The following CSGALNACT1 variants were observed in gnomAD, a reference collection of about 807,000 sequenced individuals.
CSGALNACT1 encodes the protein chondroitin sulfate N-acetylgalactosaminyltransferase 1.
A neutral mutation model predicts 51.0 loss-of-function variants in CSGALNACT1; 52 were observed. That is an observed-to-expected ratio of 1.02 (90% CI 0.82 to 1.29). The LOEUF is 1.29. CSGALNACT1 is among the 50% of genes most tolerant of loss of function. The pLI is 0.00. For missense variants in CSGALNACT1, 935 were observed against 679.2 expected (o/e 1.38, Z -4.19); for synonymous variants, 341 against 254.4 (o/e 1.34, Z -3.24).
At chr8:19,596,164 A>G (rs980621798) in intron 2 of CSGALNACT1, among the ~76,000 whole-genome samples, 1 of 152,116 alleles carries the variant, frequency 6.6e-6, no homozygotes, top group Non-Finnish European at 1.5e-5. Flanking sequence ...CACCGTGCCC[A>G]GCCTCATTTT....
intron 1 of CSGALNACT1, among the ~76,000 whole-genome samples, chr8:19,713,330 G>A (rs1203576882): frequency 6.6e-6 from 1 of 152,178 alleles, no homozygotes; most frequent in Non-Finnish European, 1.5e-5. Context: ...TCAGGTAGGA[G>A]GCAGGACTCA....
chr8:19,726,180 A>T (rs1216471741), intron 1 of CSGALNACT1, among the ~76,000 whole-genome samples: 1 of 152,214 alleles, frequency 6.6e-6, no homozygotes, highest in African/African-American at 2.4e-5. Context: ...GTATTTGGAT[A>T]AAAAAGTTAT....
At chr8:19,410,867 C>T (rs1019939832) in intron 8 of CSGALNACT1, among the ~76,000 whole-genome samples, 6 of 152,232 alleles carry the variant, frequency 3.9e-5, no homozygotes, top group African/African-American at 1.4e-4. Flanking sequence ...ACGGAGTTCC[C>T]TCAGTCGAGG....
intron 5 of CSGALNACT1, among the ~76,000 whole-genome samples, chr8:19,450,018 A>G (rs542107172): frequency 2.1e-5 from 3 of 145,622 alleles, no homozygotes; most frequent in African/African-American, 7.6e-5. Flanking sequence ...GCCGAAAACC[A>G]AATTTGAGAA....
At chr8:19,554,737 G>C (rs897300236) in intron 3 of CSGALNACT1, among the ~76,000 whole-genome samples, 2 of 152,042 alleles carry the variant, frequency 1.3e-5, no homozygotes, top group African/African-American at 4.8e-5. Flanking sequence ...GCCCTACATG[G>C]TGAAACCCCG....
chr8:19,516,350 C>T (rs1216800697), intron 3 of CSGALNACT1, among the ~76,000 whole-genome samples: 2 of 152,114 alleles, frequency 1.3e-5, no homozygotes, highest in Non-Finnish European at 2.9e-5. Context: ...TGATTCTTAC[C>T]CACTACGCTA....
At position 19,626,175 on chromosome 8, in the gene CSGALNACT1, G is replaced by A. The variant is rs567952030; in HGVS notation, c.-543-24310C>T. Reference sequence around the variant, plus strand: ...ACAATACCCAGTTTTAAGACTTACTGTGTAACTATAGTAATCAACACAGCA... The same window carrying A: ...ACAATACCCAGTTTTAAGACTTACTATGTAACTATAGTAATCAACACAGCA... On this transcript the variant is annotated intron_variant, in intron 1 of 9. Coordinates refer to the CSGALNACT1 transcript ENST00000332246. Among the ~76,000 whole-genome samples the A allele has an allele frequency of 5.9e-5, 9 of 152,292 alleles. No homozygotes were observed. The East Asian group carries it at 1.7e-3, about 29-fold the overall frequency.
intron 4 of CSGALNACT1, among the ~76,000 whole-genome samples, chr8:19,491,464 C>A (rs190883832): frequency 7.6e-4 from 116 of 152,238 alleles, no homozygotes; most frequent in Non-Finnish European, 1.2e-3. Flanking sequence ...ACAGTTTATG[C>A]TCTTAATACT....
At chr8:19,408,774 C>T (rs549962836) in intron 8 of CSGALNACT1, 80 bp from the exon 8 acceptor site, 23 of 1,261,238 alleles carry the variant, frequency 1.8e-5, no homozygotes, top group African/African-American at 2.9e-5. Flanking sequence ...TGTGAGCCAC[C>T]GTGGAGTGTG....
intron 1 of CSGALNACT1, among the ~76,000 whole-genome samples, chr8:19,739,917 A>G (rs1274715271): frequency 6.6e-6 from 1 of 152,206 alleles, no homozygotes; most frequent in African/African-American, 2.4e-5. Flanking sequence ...AATCCTCACT[A>G]GTGCAAATGG....
intron 3 of CSGALNACT1, among the ~76,000 whole-genome samples, chr8:19,535,513 T>A (rs1587982563): frequency 6.6e-6 from 1 of 152,320 alleles, no homozygotes; most frequent in East Asian, 1.9e-4. Context: ...AAACTAGTTC[T>A]CAAAATCACT....
At chr8:19,443,431 CCCAAGACTGG>C (rs2061637234) in intron 5 of CSGALNACT1, among the ~76,000 whole-genome samples, 1 of 152,084 alleles carries the variant, frequency 6.6e-6, no homozygotes, top group Admixed American at 6.6e-5. Flanking sequence ...TAAAGACATA[CCCAAGACTGG>C]GTCATTTATA....
At chr8:19,578,985 T>A (rs2044936551) in intron 3 of CSGALNACT1, among the ~76,000 whole-genome samples, 2 of 152,202 alleles carry the variant, frequency 1.3e-5, no homozygotes, top group South Asian at 2.1e-4. Context: ...CTGCCTCACA[T>A]CCTTAAGTGC....
At chr8:19,586,649 G>A (rs1748086106) in intron 3 of CSGALNACT1, among the ~76,000 whole-genome samples, 2 of 152,082 alleles carry the variant, frequency 1.3e-5, no homozygotes, top group South Asian at 4.1e-4. Context: ...TGAAGTGTAA[G>A]TCAGACTTGG....
chr8:19,721,550 T>TGGGGTGCTCAAGAGAGTTCAGAGGA (rs1299334559), intron 1 of CSGALNACT1, among the ~76,000 whole-genome samples: 1 of 152,164 alleles, frequency 6.6e-6, no homozygotes, highest in Admixed American at 6.5e-5. Flanking sequence ...GAGCCATAGC[T>TGGGGTGCTCAAGAGAGTTCAGAGGA]GGGGTGCTCA....
intron 9 of CSGALNACT1, among the ~76,000 whole-genome samples, chr8:19,406,274 G>A (rs80079017): frequency 1.2e-4 from 19 of 152,020 alleles, no homozygotes; most frequent in African/African-American, 4.1e-4. Flanking sequence ...AGACAGCACC[G>A]ACTTCTTCAG....
At chr8:19,590,092 G>A (rs1161795448) in intron 3 of CSGALNACT1, among the ~76,000 whole-genome samples, 3 of 152,136 alleles carry the variant, frequency 2.0e-5, no homozygotes, top group South Asian at 4.1e-4. Context: ...TATTATCTCT[G>A]CCTCCTGCCC....
intron 3 of CSGALNACT1, among the ~76,000 whole-genome samples, chr8:19,546,501 T>C (rs1563990297): frequency 6.6e-6 from 1 of 152,180 alleles, no homozygotes; most frequent in Non-Finnish European, 1.5e-5. Flanking sequence ...GAAGTATCAC[T>C]AAGAATTAAG....
At chr8:19,599,480 G>GAAAGAAA (rs2049836546) in intron 2 of CSGALNACT1, among the ~76,000 whole-genome samples, 1 of 66,432 alleles carries the variant, frequency 1.5e-5, no homozygotes, top group Non-Finnish European at 3.2e-5. Flanking sequence ...GAAAAAGAAA[G>GAAAGAAA]AAAGAAAGAA....
Sources: gnomAD v4.1 joint callset for allele counts (sites outside exome capture counted in the v4.1 genomes callset) on GRCh38, gnomAD v4.1.1 for gene constraint, MANE v1.5 for transcripts, NCBI Gene and HGNC (gene_info 2026-07-23, HGNC 2026-07-21) for gene names.